HMCN1: variants seen among roughly 807,000 people sequenced by gnomAD.
HMCN1 encodes the protein hemicentin 1.
A neutral mutation model predicts 625.9 loss-of-function variants in HMCN1; 321 were observed. The observed-to-expected ratio is 0.51, with a 90% CI of 0.47 to 0.56. HMCN1 has a LOEUF of 0.56. HMCN1 is among the 20% of genes least tolerant of loss of function. The pLI, the probability that HMCN1 is intolerant of heterozygous loss-of-function variation, is 0.00. For synonymous variants in HMCN1, 2,425 were observed against 2,417.6 expected (o/e 1.00, Z -0.09); for missense variants, 6,588 against 6,887.3 (o/e 0.96, Z 1.54).
At chr1:185,924,401 A>AT (rs1667168840) in intron 8 of HMCN1, among the ~76,000 whole-genome samples, 1 of 151,252 alleles carries the variant, frequency 6.6e-6, no homozygotes, top group Non-Finnish European at 1.5e-5. Context: ...CAGCTAATGG[A>AT]CTGATAAAGA....
At chr1:185,955,351 T>C (rs976175795) in intron 11 of HMCN1, among the ~76,000 whole-genome samples, 4 of 152,178 alleles carry the variant, frequency 2.6e-5, no homozygotes, top group African/African-American at 9.6e-5. Flanking sequence ...TAATCCTGAA[T>C]TGTATCCTCA....
intron 6 of HMCN1, among the ~76,000 whole-genome samples, chr1:185,920,415 C>A (rs932720845): frequency 3.2e-4 from 49 of 152,056 alleles, no homozygotes; most frequent in Non-Finnish European, 1.6e-4. Flanking sequence ...AGTATAGACA[C>A]ATGAAATTAA....
intron 52 of HMCN1, among the ~76,000 whole-genome samples, chr1:186,073,081 T>C (rs1658572098): frequency 6.6e-6 from 1 of 152,038 alleles, no homozygotes; most frequent in Non-Finnish European, 1.5e-5. Context: ...AGATCAAATA[T>C]AGGTTCAAGA....
intron 1 of HMCN1, among the ~76,000 whole-genome samples, chr1:185,843,905 C>T (rs1166319476): frequency 6.6e-6 from 1 of 152,166 alleles, no homozygotes. Context: ...ATTTTAATAG[C>T]ATCCCTTGAT....
Position 186,128,262 on chromosome 1 carries a change from C to G in HMCN1, c.12875C>G (p.Thr4292Arg), listed in dbSNP as rs1273618508. 6.2e-7 allele frequency: 1 copy of G among 1,613,250 alleles called. No homozygotes were observed. Among genetic ancestry groups the G allele is most frequent in the Admixed American group, 1.7e-5 (1 of 59,944 alleles). ...ACTGGTATTCCATTGCCCAAATTAA[C>G]ATGGACCTTCAATAACAATATTATT... Reference protein sequence around the residue: ...KATGIPLPKLTWTFNNNIIPA... With the variant: ...KATGIPLPKLRWTFNNNIIPA... Residue 4292 changes from threonine (T) to arginine (R), a missense_variant, in exon 83 of 107, where the codon ACA becomes AGA. Thr to Arg is a moderately conservative substitution (Grantham distance 71, BLOSUM62 -1). Around this residue, in one of 3 missense-constraint regions of HMCN1, gnomAD observed 1,954 missense variants for 2,013.1 expected, o/e 0.97. Transcript: ENST00000271588.
chr1:185,927,128 C>T (rs959208180), intron 9 of HMCN1, among the ~76,000 whole-genome samples: 4 of 152,178 alleles, frequency 2.6e-5, no homozygotes, highest in African/African-American at 9.6e-5. Context: ...AAAGAATCGT[C>T]AGTTTCTGTT....
intron 45 of HMCN1, among the ~76,000 whole-genome samples, chr1:186,056,528 G>A (rs1657331596): frequency 1.3e-5 from 2 of 151,916 alleles, no homozygotes; most frequent in Non-Finnish European, 2.9e-5. Flanking sequence ...ATGGTGGATT[G>A]GATAAAGAAA....
rs114139702 is a variant in HMCN1 at position 186,075,672 on chromosome 1, A to G, written c.8291-756A>G. 5.4e-3 allele frequency among the ~76,000 whole-genome samples: 815 copies of G among 152,196 alleles called. 4 individuals are homozygous for G. The highest frequency in any genetic ancestry group is 8.5e-3 in the Non-Finnish European group (577 of 67,984). ...TAACTATTCGACATGATTTTTAATAATTATGTCTGTTTCACCAGTTGAATA... is the reference window on the plus strand; with the variant it reads ...TAACTATTCGACATGATTTTTAATAGTTATGTCTGTTTCACCAGTTGAATA... On this transcript the variant is annotated intron_variant, in intron 53 of 106. Coordinates refer to ENST00000271588, the MANE Select transcript of HMCN1 (RefSeq NM_031935.3).
chr1:185,995,169 T>C, intron 24 of HMCN1, 82 bp downstream of exon 24: 2 of 1,258,258 alleles, frequency 1.6e-6, no homozygotes, highest in Non-Finnish European at 2.3e-6. Context: ...TTATCTTCGA[T>C]AATCTTAAAT....
Position 185,984,296 on chromosome 1 carries a change from C to G in HMCN1, c.2918C>G (p.Thr973Ser). The G allele has an allele frequency of 1.2e-6, 2 of 1,613,930 alleles. No individual in the cohort carries two copies. The highest frequency in any genetic ancestry group is 1.7e-6 in the Non-Finnish European group (2 of 1,179,918). Residue 973 changes from threonine (T) to serine (S), a missense_variant, in exon 19 of 107, where the codon ACC (threonine) becomes AGC (serine). Around this residue, in one of 3 missense-constraint regions of HMCN1, gnomAD observed 4,628 missense variants for 4,853.1 expected, o/e 0.95. Transcript: ENST00000271588. ...SNVAGTNNKT[T>S]SVVVHVLPTI... ...GTTGCTGGGACCAATAACAAAACTACCTCTGTGGTTGTGCATGGTAAGAGA... is the reference window on the plus strand; with the variant it reads ...GTTGCTGGGACCAATAACAAAACTAGCTCTGTGGTTGTGCATGGTAAGAGA...
intron 20 of HMCN1, among the ~76,000 whole-genome samples, chr1:185,987,923 C>T (rs1024226202): frequency 1.3e-5 from 2 of 151,224 alleles, no homozygotes; most frequent in South Asian, 4.2e-4. Context: ...GTGGAACTGA[C>T]CAGTAGACCT....
At chr1:185,838,176 C>A (rs1661283068) in intron 1 of HMCN1, among the ~76,000 whole-genome samples, 1 of 152,190 alleles carries the variant, frequency 6.6e-6, no homozygotes, top group South Asian at 2.1e-4. Context: ...CCAGCACAAG[C>A]CCCAGGCTTT....
chr1:185,930,322 A>C (rs9425349), intron 10 of HMCN1, among the ~76,000 whole-genome samples: 126,817 of 152,018 alleles, frequency 0.83, 53,528 homozygotes, highest in African/African-American at 0.96. Context: ...AAGAGAGGAC[A>C]TTTTTTTTCT....
chr1:186,110,977 C>CTTTTTT lies in HMCN1; in HGVS notation c.10990-1819_10990-1814dup, dbSNP rs557887846. ...TACGGAAGAAAAACCAGAGAAAATT[C>CTTTTTT]TTTTTTTTTTTTTTTTTTTTTGAGA... is the stretch of plus-strand genomic sequence containing the variant. On this transcript the variant is annotated intron_variant, in intron 71 of 106. Transcript: ENST00000271588. Among the ~76,000 whole-genome samples, 119 of 61,614 alleles carry CTTTTTT rather than the reference C, an allele frequency of 1.9e-3. 25 individuals are homozygous for CTTTTTT. The highest frequency in any genetic ancestry group is 4.9e-3 in the East Asian group (8 of 1,624). 40.4% of individuals were successfully genotyped at this position (61,614 alleles called of 152,430 possible). A position where few individuals can be genotyped will look rare whatever the true frequency, so the allele number is the denominator to read the frequency against.
Position 186,087,570 on chromosome 1 carries a change from T to C in HMCN1, c.9288T>C (p.Asn3096=). Residue 3096 remains asparagine, a synonymous_variant, in exon 60 of 107, where the codon AAT becomes AAC. Transcript: ENST00000271588. The stretch of plus-strand genomic sequence containing the variant: ...CTCCAGTCATCACTTGGTATAAGAA[T>C]GGGCGGATGATAACAGAGTCTACTC... ...VPPPVITWYK[N]GRMITESTHV... 1.2e-6 allele frequency: 2 copies of C among 1,613,316 alleles called. No homozygotes were observed.
chr1:186,084,176 T>C (rs1482057799), intron 57 of HMCN1, among the ~76,000 whole-genome samples: 14 of 152,148 alleles, frequency 9.2e-5, no homozygotes. Flanking sequence ...TCCCATAACT[T>C]TATTGTAAGT....
chr1:186,169,977 GAAA>G (rs1178279731), intron 100 of HMCN1, among the ~76,000 whole-genome samples: 2 of 129,244 alleles, frequency 1.5e-5, no homozygotes, highest in African/African-American at 5.7e-5. Context: ...AAATTTACAA[GAAA>G]AAAAAAAAAC....
intron 97 of HMCN1, among the ~76,000 whole-genome samples, chr1:186,162,018 C>T (rs1053920740): frequency 1.3e-5 from 2 of 152,154 alleles, no homozygotes; most frequent in African/African-American, 2.4e-5. Flanking sequence ...GAGTGTTTTC[C>T]AACTTGGTTC....
At chr1:186,129,900 C>T (rs1661836404) in intron 83 of HMCN1, 66 bp from the exon 84 acceptor site, 2 of 1,593,290 alleles carry the variant, frequency 1.3e-6, no homozygotes, top group South Asian at 1.1e-5. Flanking sequence ...GTGCAAAATA[C>T]TGAGCTGTCG....
Sources: gnomAD v4.1 joint callset for allele counts (sites outside exome capture counted in the v4.1 genomes callset) on GRCh38, gnomAD v4.1.1 for gene constraint, gnomAD v4.1.1 regional missense constraint, MANE v1.5 for transcripts, NCBI Gene and HGNC (gene_info 2026-07-23, HGNC 2026-07-21) for gene names.